SLC35F3: variants seen among roughly 807,000 people sequenced by gnomAD.
SLC35F3 encodes the protein solute carrier family 35 member F3.
A neutral mutation model predicts 49.9 loss-of-function variants in SLC35F3; 25 were observed. That is an observed-to-expected ratio of 0.50 (90% CI 0.37 to 0.70). The LOEUF (loss-of-function observed/expected upper bound fraction) is 0.70. SLC35F3 is among the 30% of genes least tolerant of loss of function. The pLI is 0.00. For missense variants in SLC35F3, 525 were observed against 639.8 expected (o/e 0.82, Z 1.94); for synonymous variants, 275 against 265.4 (o/e 1.04, Z -0.35).
intron 2 of SLC35F3, among the ~76,000 whole-genome samples, chr1:233,918,570 C>G (rs549081231): frequency 1.3e-5 from 2 of 152,268 alleles, no homozygotes; most frequent in East Asian, 3.9e-4. Context: ...GAGTTTGAGA[C>G]CAGCCTGGCC....
chr1:234,313,210 C>T (rs183328381), intron 4 of SLC35F3, among the ~76,000 whole-genome samples: 45 of 152,218 alleles, frequency 3.0e-4, no homozygotes, highest in African/African-American at 1.0e-3. Flanking sequence ...GCAGGAGGAG[C>T]CCTAGTCTCA....
intron 2 of SLC35F3, among the ~76,000 whole-genome samples, chr1:233,992,618 A>G (rs1370048530): frequency 2.0e-5 from 3 of 152,214 alleles, no homozygotes; most frequent in African/African-American, 7.2e-5. Context: ...CCTATGACCC[A>G]AACACTTTTC....
chr1:234,021,799 C>T (rs907173613), intron 2 of SLC35F3, among the ~76,000 whole-genome samples: 2 of 152,140 alleles, frequency 1.3e-5, no homozygotes, highest in Non-Finnish European at 2.9e-5. Flanking sequence ...TTCCCCCCAT[C>T]TTAGGACCAC....
rs1668329618 is a variant in SLC35F3, at chr1:234,281,719, C to A, written c.609-27382C>A. On this transcript the variant is annotated intron_variant, in intron 3 of 7. Transcript: ENST00000366618. ...GGTCCATAATAAATGGTGACTAACC[C>A]ACACCTCCAAGGTGACCTTCAAATG... 2.0e-5 allele frequency among the ~76,000 whole-genome samples: 3 copies of A among 152,220 alleles called. No homozygotes were observed. The South Asian group carries it at 6.2e-4, about 32-fold the overall frequency.
chr1:233,907,057 TA>T (rs1221644712), intron 2 of SLC35F3, among the ~76,000 whole-genome samples: 17 of 152,168 alleles, frequency 1.1e-4, no homozygotes, highest in African/African-American at 2.9e-4. Flanking sequence ...GGGCATGGGA[TA>T]ACAAAAATTA....
chr1:233,992,036 G>A (rs1000260464), intron 2 of SLC35F3, among the ~76,000 whole-genome samples: 13 of 152,140 alleles, frequency 8.5e-5, no homozygotes, highest in Non-Finnish European at 1.8e-4. Flanking sequence ...AGTAAATGCA[G>A]GAATTTGTAA....
chr1:234,154,805 C>T (rs114050780), intron 2 of SLC35F3, among the ~76,000 whole-genome samples: 2,994 of 152,216 alleles, frequency 0.02, 57 homozygotes, highest in Non-Finnish European at 0.031. Context: ...TCAGGCCTAC[C>T]CAAGAGCCCT....
chr1:234,001,593 T>C (rs1181708263), intron 2 of SLC35F3, among the ~76,000 whole-genome samples: 1 of 152,194 alleles, frequency 6.6e-6, no homozygotes, highest in Admixed American at 6.5e-5. Context: ...CCCTTTTACA[T>C]GCAAGAAAAC....
chr1:234,052,818 A>G (rs1664398954), intron 2 of SLC35F3, among the ~76,000 whole-genome samples: 1 of 152,190 alleles, frequency 6.6e-6, no homozygotes, highest in South Asian at 2.1e-4. Flanking sequence ...CATGTGTCCC[A>G]GAGATTCTGG....
chr1:234,082,597 A>G (rs1664895340), intron 2 of SLC35F3, among the ~76,000 whole-genome samples: 1 of 152,164 alleles, frequency 6.6e-6, no homozygotes, highest in African/African-American at 2.4e-5. Context: ...GGGACCACCA[A>G]ACTTATTTGT....
chr1:234,307,353 G>A (rs1351190313), intron 3 of SLC35F3, among the ~76,000 whole-genome samples: 1 of 152,150 alleles, frequency 6.6e-6, no homozygotes, highest in Non-Finnish European at 1.5e-5. Context: ...TGGCCAAACT[G>A]CACCAGACTC....
At position 234,269,993 on chromosome 1, in the gene SLC35F3, A is replaced by C. The variant is rs74378658; in HGVS notation, c.608+38252A>C. Among the ~76,000 whole-genome samples, 1,228 of 152,256 alleles carry C rather than the reference A, an allele frequency of 8.1e-3. 23 individuals are homozygous for C. Among genetic ancestry groups the C allele is most frequent in the East Asian group, 0.065 (335 of 5,178 alleles). ...TGAGCTAAACAAACCTCTCTTCTTT[A>C]TAAATTCCCCAGCCTCAGGTATTCC... On this transcript the variant is annotated intron_variant, in intron 3 of 7. Coordinates refer to ENST00000366618, the MANE Select transcript of SLC35F3 (RefSeq NM_173508.4).
At chr1:233,907,984 C>T (rs915533722) in intron 2 of SLC35F3, among the ~76,000 whole-genome samples, 21 of 152,200 alleles carry the variant, frequency 1.4e-4, no homozygotes, top group Admixed American at 9.2e-4. Context: ...CCTTGGCCTC[C>T]CAAAGTGCTG....
At chr1:234,048,529 A>G (rs1664327079) in intron 2 of SLC35F3, among the ~76,000 whole-genome samples, 1 of 152,176 alleles carries the variant, frequency 6.6e-6, no homozygotes. Context: ...TGAGCCAGAG[A>G]TTATCAGGGC....
At chr1:234,187,018 C>T (rs922748726) in intron 2 of SLC35F3, among the ~76,000 whole-genome samples, 1 of 152,154 alleles carries the variant, frequency 6.6e-6, no homozygotes, top group Non-Finnish European at 1.5e-5. Flanking sequence ...CCTGCCCTCC[C>T]TTGCACAGCC....
intron 2 of SLC35F3, among the ~76,000 whole-genome samples, chr1:234,093,228 C>T (rs1217375070): frequency 6.6e-6 from 1 of 152,220 alleles, no homozygotes; most frequent in Non-Finnish European, 1.5e-5. Flanking sequence ...CCAACATTGT[C>T]TCTTTGCCAG....
At position 234,316,625 on chromosome 1, in the gene SLC35F3, C is replaced by T. The variant is rs774600669; in HGVS notation, c.852C>T (p.Ile284=). Residue 284 remains isoleucine (I), a synonymous_variant, in exon 5 of 8, where the codon ATC becomes ATT. Transcript: ENST00000366618. ...GVRIVAAILA[I]AGIVMMTYAD... The stretch of plus-strand genomic sequence containing the variant: ...AGATTGTGGCCGCCATCCTCGCCAT[C>T]GCTGGCATTGTGATGATGACCTACG... The T allele has an allele frequency of 5.8e-5, 94 of 1,610,462 alleles. 1 individual carries two copies. Among genetic ancestry groups the T allele is most frequent in the South Asian group, 2.1e-4 (19 of 90,970 alleles).
intron 3 of SLC35F3, among the ~76,000 whole-genome samples, chr1:234,281,517 G>A (rs1246766133): frequency 6.6e-6 from 1 of 152,140 alleles, no homozygotes; most frequent in Non-Finnish European, 1.5e-5. Flanking sequence ...TCCATTATGA[G>A]CACTTTTTCA....
At chr1:234,082,761 C>CA (rs944246321) in intron 2 of SLC35F3, among the ~76,000 whole-genome samples, 1 of 152,182 alleles carries the variant, frequency 6.6e-6, no homozygotes, top group African/African-American at 2.4e-5. Context: ...AAGCGAAAGG[C>CA]AAAACCCTTT....
Sources: allele counts gnomAD v4.1 joint callset (sites outside exome capture counted in the v4.1 genomes callset), GRCh38; gene constraint gnomAD v4.1.1; transcripts MANE v1.5; gene names NCBI Gene and HGNC (gene_info 2026-07-23, HGNC 2026-07-21).